The following MOCOS variants were observed in gnomAD, a reference collection of about 807,000 sequenced individuals.
The protein encoded by MOCOS is human molybdenum cofactor sulfurase.
In MOCOS, 86 loss-of-function variants were observed where a neutral mutation model predicts 83.6. The observed-to-expected ratio is 1.03, with a 90% CI of 0.86 to 1.23. The LOEUF (loss-of-function observed/expected upper bound fraction) is 1.23. Among genes scored for constraint, MOCOS ranks in the 50% most tolerant of loss-of-function variants. The pLI is 0.00. For synonymous variants in MOCOS, 445 were observed against 434.7 expected (o/e 1.02, Z -0.29); for missense variants, 1,120 against 1,126.9 (o/e 0.99, Z 0.09).
chr18:36,200,976 A>T (rs2091411939), intron 4 of MOCOS, among the ~76,000 whole-genome samples: 1 of 152,192 alleles, frequency 6.6e-6, no homozygotes, highest in South Asian at 2.1e-4. Context: ...CATCATCCCC[A>T]GGCTGCAAGG....
Position 36,215,807 on chromosome 18 carries a change from A to G in MOCOS, c.1627A>G (p.Asn543Asp). ...EDALTGSRVW[N>D]NSSTVNAVPV... ...TGCCCTCACAGGCTCCAGGGTTTGG[A>G]ACAACTCGTCTACTGTGAATGCTGT... The change falls in exon 8 of 15, where the codon AAC becomes GAC. Residue 543 changes from asparagine to aspartate, a missense_variant. By Grantham distance (23) the Asn-to-Asp change is conservative. Transcript: ENST00000261326. 12 of 1,614,126 alleles carry G rather than the reference A, an allele frequency of 7.4e-6. No homozygotes were observed. The highest frequency in any genetic ancestry group is 1.0e-5 in the Non-Finnish European group (12 of 1,180,028).
rs1048796114 is a variant in MOCOS at position 36,213,446 on chromosome 18, G to A, written c.1299G>A (p.Leu433=). 3 of 1,613,918 alleles carry A rather than the reference G, an allele frequency of 1.9e-6. No individual in the cohort carries two copies. The highest frequency in any genetic ancestry group is 2.5e-6 in the Non-Finnish European group (3 of 1,180,016). ...FCNTGACQRH[L]GISNEMVRKH... is the part of the protein sequence containing the mutation. ...ACACTGGGGCCTGCCAGAGGCACCT[G>A]GGCATAAGCAACGAGATGGTCAGGA... Residue 433 remains leucine (L), a synonymous_variant, in exon 7 of 15, where the codon CTG becomes CTA. Coordinates refer to ENST00000261326, the MANE Select transcript of MOCOS (RefSeq NM_017947.4).
intron 9 of MOCOS, among the ~76,000 whole-genome samples, chr18:36,235,197 A>T (rs2091553358): frequency 6.7e-6 from 1 of 150,060 alleles, no homozygotes; most frequent in Admixed American, 6.7e-5. Context: ...TTAGTTACAT[A>T]CGTATACATG....
intron 2 of MOCOS, among the ~76,000 whole-genome samples, chr18:36,197,524 G>A (rs1054938766): frequency 2.6e-5 from 4 of 151,894 alleles, no homozygotes; most frequent in Non-Finnish European, 4.4e-5. Context: ...CAGTGCTTTG[G>A]TAGGTCAAGG....
intron 6 of MOCOS, among the ~76,000 whole-genome samples, chr18:36,205,731 T>G (rs1197699153): frequency 6.6e-6 from 1 of 152,160 alleles, no homozygotes; most frequent in African/African-American, 2.4e-5. Context: ...AAAGCACATC[T>G]GCATCCCCAT....
At chr18:36,261,880 C>A (rs994433720) in intron 13 of MOCOS, among the ~76,000 whole-genome samples, 1 of 151,912 alleles carries the variant, frequency 6.6e-6, no homozygotes, top group Non-Finnish European at 1.5e-5. Context: ...ACTAAATATA[C>A]ATTATCAAAT....
chr18:36,233,403 T>C (rs1258721749), intron 9 of MOCOS, among the ~76,000 whole-genome samples: 2 of 152,242 alleles, frequency 1.3e-5, no homozygotes, highest in Non-Finnish European at 2.9e-5. Context: ...TGTGTTTGTA[T>C]ACCCACATCA....
chr18:36,196,571 G>A (rs544747043), intron 2 of MOCOS, among the ~76,000 whole-genome samples: 2 of 152,282 alleles, frequency 1.3e-5, no homozygotes, highest in South Asian at 4.1e-4. Context: ...GCTCTGGGCA[G>A]CCAGCAGATA....
chr18:36,258,269 T>G (rs563707932), intron 12 of MOCOS, among the ~76,000 whole-genome samples: 1 of 152,338 alleles, frequency 6.6e-6, no homozygotes, highest in Admixed American at 6.5e-5. Flanking sequence ...AGAGCAGAGC[T>G]AGGGTCCCCT....
chr18:36,255,525 G>C (rs530515722), intron 11 of MOCOS, among the ~76,000 whole-genome samples: 16 of 152,300 alleles, frequency 1.1e-4, no homozygotes, highest in African/African-American at 3.9e-4. Context: ...GTCCCTGAGG[G>C]AGTGTGCTTT....
intron 13 of MOCOS, among the ~76,000 whole-genome samples, chr18:36,265,867 G>T (rs1363601019): frequency 1.3e-5 from 2 of 152,056 alleles, no homozygotes; most frequent in African/African-American, 4.8e-5. Flanking sequence ...TTTAATACGT[G>T]CATGATATAA....
chr18:36,251,705 C>G (rs995724997), intron 11 of MOCOS, among the ~76,000 whole-genome samples: 2 of 152,208 alleles, frequency 1.3e-5, no homozygotes, highest in African/African-American at 2.4e-5. Flanking sequence ...GGTGCCTCAA[C>G]TTCTATAGAC....
In MOCOS at chr18:36,215,994, C is replaced by G. The variant is rs754472973; in HGVS notation, c.1797+17C>G. 5 of 1,601,224 alleles carry G rather than the reference C, an allele frequency of 3.1e-6. No individual in the cohort carries two copies. Among genetic ancestry groups the G allele is most frequent in the Non-Finnish European group, 2.6e-6 (3 of 1,172,552 alleles). ...GCATTTGAGGTAAGGAATTTCACAGCAGCACAGAAAGTCTTCTCTTTGTTT... is the reference window on the plus strand; with the variant it reads ...GCATTTGAGGTAAGGAATTTCACAGGAGCACAGAAAGTCTTCTCTTTGTTT... On this transcript the variant is annotated intron_variant, in intron 8 of 14. Transcript: ENST00000261326.
chr18:36,195,334 G>A lies in MOCOS; in HGVS notation c.220G>A (p.Glu74Lys). The A allele has an allele frequency of 6.2e-7, 1 of 1,613,956 alleles. No individual in the cohort carries two copies. The highest frequency in any genetic ancestry group is 1.1e-5 in the South Asian group (1 of 91,072). ...CGAAAGCTTCACTAGTGATCTCATG[G>A]AAAACACTTATGGTAAAGAAAAACA... is the stretch of plus-strand genomic sequence containing the variant. ...QLESFTSDLM[E>K]NTYGNPHSQN... Residue 74 changes from glutamate to lysine, a missense_variant, in exon 2 of 15, where the codon GAA (glutamate) becomes AAA (lysine). Transcript: ENST00000261326.
chr18:36,207,754 T>C (rs909275979), intron 6 of MOCOS, among the ~76,000 whole-genome samples: 2 of 152,234 alleles, frequency 1.3e-5, no homozygotes, highest in African/African-American at 4.8e-5. Flanking sequence ...ATCTGTTTAC[T>C]CTGTTGATAG....
In MOCOS at chr18:36,252,384, C is replaced by T. The variant is rs868649808; in HGVS notation, c.2164+1101C>T. On this transcript the variant is annotated intron_variant, in intron 11 of 14. Transcript: ENST00000261326. ...AAATAAGATACAAAAATTATGAAAC[C>T]GTATCTCTTCAAAAAATACAAAAAT... Among the ~76,000 whole-genome samples, 23 of 152,132 alleles carry T rather than the reference C, an allele frequency of 1.5e-4. 1 individual carries two copies. The highest frequency in any genetic ancestry group is 1.4e-3 in the Admixed American group (21 of 15,270).
chr18:36,194,667 A>G (rs1011955304), intron 1 of MOCOS, among the ~76,000 whole-genome samples: 1 of 152,216 alleles, frequency 6.6e-6, no homozygotes, highest in Admixed American at 6.5e-5. Flanking sequence ...CCAGCCGTGT[A>G]CCAGTGAGCT....
chr18:36,252,832 A>G (rs891790890), intron 11 of MOCOS, among the ~76,000 whole-genome samples: 1 of 152,206 alleles, frequency 6.6e-6, no homozygotes, highest in African/African-American at 2.4e-5. Context: ...AGTGTATGCT[A>G]TAGAGAGGAG....
intron 7 of MOCOS, among the ~76,000 whole-genome samples, chr18:36,215,211 T>C (rs1462989244): frequency 6.6e-6 from 1 of 152,222 alleles, no homozygotes; most frequent in Non-Finnish European, 1.5e-5. Flanking sequence ...TTTTGACACC[T>C]CTGTGAGCCA....
Sources: gnomAD v4.1 joint callset for allele counts (sites outside exome capture counted in the v4.1 genomes callset) on GRCh38, gnomAD v4.1.1 for gene constraint, MANE v1.5 for transcripts, NCBI Gene and HGNC (gene_info 2026-07-23, HGNC 2026-07-21) for gene names.